Variants in FBXO15 observed in about 807,000 individuals in gnomAD.
FBXO15 encodes the protein F-box only protein 15.
Under a neutral mutation model 49.5 loss-of-function variants are expected in FBXO15, and 30 were observed. The observed-to-expected ratio is 0.61, with a 90% CI of 0.45 to 0.82. The LOEUF (loss-of-function observed/expected upper bound fraction) is 0.82. Among genes scored for constraint, FBXO15 ranks in the 40% least tolerant of loss-of-function variants. The probability of loss-of-function intolerance (pLI) is 0.00; values close to 1 mark genes in which losing one functional copy is unlikely to be tolerated. For synonymous variants in FBXO15, 250 were observed against 232.7 expected (o/e 1.07, Z -0.68); for missense variants, 591 against 631.5 (o/e 0.94, Z 0.69).
chr18:74,089,268 T>C (rs531002590), intron 8 of FBXO15, among the ~76,000 whole-genome samples: 30 of 152,346 alleles, frequency 2.0e-4, no homozygotes, highest in Admixed American at 2.6e-4. Flanking sequence ...GAAATGCTAC[T>C]AATTTTTGTA....
At chr18:74,140,166 G>A (rs1978976760) in intron 2 of FBXO15, 36 bp downstream of exon 2, 1 of 1,514,532 alleles carries the variant, frequency 6.6e-7, no homozygotes. Flanking sequence ...CATGCCTAGA[G>A]GCCCCCAAAA....
chr18:74,113,598 G>A (rs1333967829), intron 8 of FBXO15, among the ~76,000 whole-genome samples: 1 of 152,050 alleles, frequency 6.6e-6, no homozygotes, highest in Non-Finnish European at 1.5e-5. Flanking sequence ...GCCCTAAAAA[G>A]TACAGTCTAT....
chr18:74,118,189 G>A lies in FBXO15; in HGVS notation c.1138+5179C>T, dbSNP rs191132476. On this transcript the variant is annotated intron_variant, in intron 8 of 9. Coordinates refer to ENST00000419743, the MANE Select transcript of FBXO15 (RefSeq NM_001142958.2). The stretch of plus-strand genomic sequence containing the variant: ...ATTTTTGTATTTTTTTGTAGAGGCC[G>A]GGTTTCACCATGATGCCCAGGCTGG... Among the ~76,000 whole-genome samples the A allele has an allele frequency of 4.6e-4, 70 of 151,932 alleles. 1 individual carries two copies. In the East Asian group the frequency reaches 0.011, roughly 24 times the overall value.
At chr18:74,123,690 T>C (rs1914570102) in intron 7 of FBXO15, among the ~76,000 whole-genome samples, 180 bp from the exon 8 acceptor site, 1 of 152,200 alleles carries the variant, frequency 6.6e-6, no homozygotes, top group Non-Finnish European at 1.5e-5. Context: ...TCAATGTTAC[T>C]TTTACCAACT....
At chr18:74,116,253 T>C (rs1309243673) in intron 8 of FBXO15, among the ~76,000 whole-genome samples, 3 of 152,210 alleles carry the variant, frequency 2.0e-5, no homozygotes, top group Non-Finnish European at 4.4e-5. Flanking sequence ...GATTTTTTAT[T>C]GTATTGTTTT....
chr18:74,147,674 A>C lies in FBXO15; in HGVS notation c.112T>G (p.Cys38Gly). 1 of 1,473,066 alleles carries C rather than the reference A, an allele frequency of 6.8e-7. No individual in the cohort carries two copies. Among genetic ancestry groups the C allele is most frequent in the Non-Finnish European group, 9.0e-7 (1 of 1,117,092 alleles). The allele number at this position is 1,473,066 out of a possible 1,614,324, so 91.2% of individuals were successfully genotyped here. A position where few individuals can be genotyped will look rare whatever the true frequency, so the allele number is the denominator to read the frequency against. The change falls in exon 1 of 10, where the codon TGC (cysteine) becomes GGC (glycine). Residue 38 changes from cysteine to glycine, a missense_variant. Transcript: ENST00000419743. Reference sequence around the variant, plus strand: ...ACCCGCAGGCCCTACAGTCACCTGCACCCAAAGGCCCTGGCGCGCCCCCGG... The same window carrying C: ...ACCCGCAGGCCCTACAGTCACCTGCCCCCAAAGGCCCTGGCGCGCCCCCGG... ...AARGRARAFG[C>G]RKGPGVKLSA...
Position 74,074,797 on chromosome 18 carries a change from T to C in FBXO15, c.1264-1067A>G, listed in dbSNP as rs1278789253. 6.6e-6 allele frequency among the ~76,000 whole-genome samples: 1 copy of C among 152,240 alleles called. No individual in the cohort carries two copies. ...TGCACATGAATGTGTGGTCTGTATATGCCCATACCGCAGTGGATATGTAAA... is the reference window on the plus strand; with the variant it reads ...TGCACATGAATGTGTGGTCTGTATACGCCCATACCGCAGTGGATATGTAAA... On this transcript the variant is annotated intron_variant, in intron 9 of 9. Transcript: ENST00000419743. The surrounding 1 kb of genome is among the most constrained non-coding windows in gnomAD (Gnocchi z 4.7).
In FBXO15 at chr18:74,090,903, G is replaced by A. The variant is rs74368716; in HGVS notation, c.1139-8852C>T. On this transcript the variant is annotated intron_variant, in intron 8 of 9. Coordinates refer to ENST00000419743, the MANE Select transcript of FBXO15 (RefSeq NM_001142958.2). The stretch of plus-strand genomic sequence containing the variant: ...CTGTTGTTTTGGGGTGAAGTGTTCT[G>A]TACATGGCTATTTGGTCAAGTGTCA... Among the ~76,000 whole-genome samples the A allele has an allele frequency of 1.5e-3, 227 of 152,196 alleles. 1 individual carries two copies. The highest frequency in any genetic ancestry group is 5.4e-3 in the African/African-American group (224 of 41,544).
chr18:74,082,762 C>T (rs936702714), intron 8 of FBXO15, among the ~76,000 whole-genome samples: 6 of 152,170 alleles, frequency 3.9e-5, no homozygotes, highest in Admixed American at 2.6e-4. Flanking sequence ...CCCTGAGAAG[C>T]GACCATCAGT....
chr18:74,118,734 A>T (rs1464265484), intron 8 of FBXO15, among the ~76,000 whole-genome samples: 1 of 152,152 alleles, frequency 6.6e-6, no homozygotes, highest in Non-Finnish European at 1.5e-5. Flanking sequence ...CAAGTTCCTG[A>T]TGTTTGCCTT....
At position 74,081,485 on chromosome 18, in the gene FBXO15, G is replaced by A. The variant is rs535302317; in HGVS notation, c.1263+442C>T. Among the ~76,000 whole-genome samples, 26 of 152,284 alleles carry A rather than the reference G, an allele frequency of 1.7e-4. No individual in the cohort carries two copies. In the South Asian group the frequency reaches 5.0e-3, roughly 29 times the overall value. ...GGCTAATCTTTATTTAACAGTTCAA[G>A]GAAATCCCTATATCCTGGACTAAGA... On this transcript the variant is annotated intron_variant, in intron 9 of 9. Coordinates refer to ENST00000419743, the MANE Select transcript of FBXO15 (RefSeq NM_001142958.2).
chr18:74,101,373 G>A (rs1233931044), intron 8 of FBXO15, among the ~76,000 whole-genome samples: 3 of 151,870 alleles, frequency 2.0e-5, no homozygotes, highest in Admixed American at 6.6e-5. Context: ...TATGATTAGA[G>A]CTCTCAGCAA....
At position 74,073,524 on chromosome 18, in the gene FBXO15, A is replaced by C; in HGVS notation, c.1470T>G (p.Ile490Met). ...TACTAAGATAAAGGACCAGGTTGACAATAAGGTATTCTTCGGTCTCTCTGA... is the reference window on the plus strand; with the variant it reads ...TACTAAGATAAAGGACCAGGTTGACCATAAGGTATTCTTCGGTCTCTCTGA... Reference protein sequence around the residue: ...VWIRETEEYLIVNLVLYLSIA... With the variant: ...VWIRETEEYLMVNLVLYLSIA... Residue 490 changes from isoleucine to methionine, a missense_variant, in exon 10 of 10, where the codon ATT (isoleucine) becomes ATG (methionine). By Grantham distance (10) the Ile-to-Met change is conservative (BLOSUM62 1). Coordinates refer to ENST00000419743, the MANE Select transcript of FBXO15 (RefSeq NM_001142958.2). The C allele has an allele frequency of 6.2e-7, 1 of 1,614,158 alleles. No individual in the cohort carries two copies. Among genetic ancestry groups the C allele is most frequent in the Non-Finnish European group, 8.5e-7 (1 of 1,180,026 alleles).
At chr18:74,086,685 T>C (rs963748515) in intron 8 of FBXO15, among the ~76,000 whole-genome samples, 3 of 152,184 alleles carry the variant, frequency 2.0e-5, no homozygotes, top group Non-Finnish European at 2.9e-5. Flanking sequence ...ACTGGGATTA[T>C]AGGCGTGAGC....
intron 8 of FBXO15, chr18:74,098,730 A>G (rs1039221654): frequency 1.3e-5 from 2 of 152,226 alleles, no homozygotes; most frequent in Non-Finnish European, 2.9e-5. Context: ...TGGCCTTGCT[A>G]GAGACCTAGA....
At chr18:74,091,265 A>G (rs1248061008) in intron 8 of FBXO15, among the ~76,000 whole-genome samples, 2 of 152,074 alleles carry the variant, frequency 1.3e-5, no homozygotes, top group Non-Finnish European at 2.9e-5. Context: ...CTCATTCTAC[A>G]TCCCTTGAGT....
At chr18:74,131,221 A>C (rs780292958) in intron 3 of FBXO15, among the ~76,000 whole-genome samples, 2 of 152,204 alleles carry the variant, frequency 1.3e-5, no homozygotes, top group Non-Finnish European at 2.9e-5. Flanking sequence ...TTTTGTCAAC[A>C]CTTACTATGT....
In FBXO15 at chr18:74,082,036, C is replaced by T; in HGVS notation, c.1154G>A (p.Gly385Glu). Residue 385 changes from glycine (G) to glutamate (E), a missense_variant, in exon 9 of 10, where the codon GGA becomes GAA. Transcript: ENST00000419743. Reference sequence around the variant, plus strand: ...ATGTATAACAATGAGCTTCACATGTCCATTTTCAATATTTCCTGAAAAGAT... The same window carrying T: ...ATGTATAACAATGAGCTTCACATGTTCATTTTCAATATTTCCTGAAAAGAT... Reference protein sequence around the residue: ...LFTKRGNIENGHVKLIVIHLK... With the variant: ...LFTKRGNIENEHVKLIVIHLK... 2 of 1,610,956 alleles carry T rather than the reference C, an allele frequency of 1.2e-6. No homozygotes were observed. The highest frequency in any genetic ancestry group is 2.2e-5 in the South Asian group (2 of 90,066).
intron 8 of FBXO15, among the ~76,000 whole-genome samples, chr18:74,102,521 A>G (rs1568165118): frequency 1.3e-5 from 2 of 152,224 alleles, no homozygotes. Context: ...GTAAACTAGT[A>G]CAACCACTGT....
Sources: allele counts gnomAD v4.1 joint callset (sites outside exome capture counted in the v4.1 genomes callset), GRCh38; gene constraint gnomAD v4.1.1; non-coding constraint Gnocchi (gnomAD v3.1); transcripts MANE v1.5; gene names NCBI Gene and HGNC (gene_info 2026-07-23, HGNC 2026-07-21).